PDE4B: variants seen among roughly 807,000 people sequenced by gnomAD.
PDE4B encodes the protein phosphodiesterase 4B.
Under a neutral mutation model 82.2 loss-of-function variants are expected in PDE4B, and 20 were observed. The observed-to-expected ratio is 0.24, with a 90% confidence interval of 0.17 to 0.35. PDE4B has a LOEUF of 0.35. PDE4B is among the 10% of genes least tolerant of loss of function. PDE4B has a pLI of 1.00. For synonymous variants in PDE4B, 320 were observed against 318.9 expected (o/e 1.00, Z -0.04); for missense variants, 655 against 907.2 (o/e 0.72, Z 3.57).
At chr1:65,985,692 A>T (rs904152950) in intron 3 of PDE4B, among the ~76,000 whole-genome samples, 1 of 152,138 alleles carries the variant, frequency 6.6e-6, no homozygotes, top group East Asian at 1.9e-4. Context: ...TATCTGACTC[A>T]TCCTTGCTAA....
intron 3 of PDE4B, 26 bp from the exon 4 acceptor site, chr1:66,247,434 C>A: frequency 6.6e-7 from 1 of 1,517,926 alleles, no homozygotes; most frequent in Admixed American, 2.1e-5. Flanking sequence ...TATCATGTGA[C>A]CAGAGTTTCC....
intron 1 of PDE4B, among the ~76,000 whole-genome samples, chr1:65,833,585 A>G (rs759183277): frequency 1.3e-5 from 2 of 152,234 alleles, no homozygotes; most frequent in Non-Finnish European, 2.9e-5. Flanking sequence ...ATGTAGTGAT[A>G]GAAGGTATTC....
At chr1:65,958,014 A>G (rs1048112668) in intron 3 of PDE4B, among the ~76,000 whole-genome samples, 1 of 151,784 alleles carries the variant, frequency 6.6e-6, no homozygotes, top group Non-Finnish European at 1.5e-5. Context: ...TTGTAATTGT[A>G]TTGGGTGTTT....
chr1:65,885,823 C>A (rs1273969689), intron 1 of PDE4B, among the ~76,000 whole-genome samples: 7 of 150,590 alleles, frequency 4.6e-5, no homozygotes, highest in African/African-American at 1.7e-4. Context: ...AACAAACCTG[C>A]ATGTTGTGCA....
chr1:65,918,907 T>TA, intron 3 of PDE4B, 72 bp downstream of exon 3: 1 of 935,310 alleles, frequency 1.1e-6, no homozygotes, highest in Non-Finnish European at 1.7e-6. Context: ...AATTTCATAG[T>TA]ATTAAAATGT....
At chr1:66,032,382 C>G (rs1653827070) in intron 3 of PDE4B, among the ~76,000 whole-genome samples, 1 of 152,088 alleles carries the variant, frequency 6.6e-6, no homozygotes, top group Non-Finnish European at 1.5e-5. Context: ...ATAGTTTATG[C>G]TTTTTTCCAA....
chr1:65,800,330 G>A (rs1212533230), intron 1 of PDE4B, among the ~76,000 whole-genome samples: 1 of 152,184 alleles, frequency 6.6e-6, no homozygotes, highest in South Asian at 2.1e-4. Context: ...ATGTGTACCA[G>A]AGTGAAAAAC....
At chr1:65,893,434 C>T (rs1444103485) in intron 1 of PDE4B, among the ~76,000 whole-genome samples, 1 of 151,966 alleles carries the variant, frequency 6.6e-6, no homozygotes, top group Non-Finnish European at 1.5e-5. Flanking sequence ...AGATACGTTA[C>T]TCCTGCAAGA....
At chr1:66,050,388 G>A (rs750538848) in intron 3 of PDE4B, 4 of 152,048 alleles carry the variant, frequency 2.6e-5, no homozygotes, top group Admixed American at 6.6e-5. Flanking sequence ...CAAAGCAGTG[G>A]CCTCTTGGCT....
At chr1:66,018,525 T>A (rs183597807) in intron 3 of PDE4B, among the ~76,000 whole-genome samples, 58 of 152,356 alleles carry the variant, frequency 3.8e-4, no homozygotes, top group Non-Finnish European at 2.1e-4. Flanking sequence ...TTTAATGTGC[T>A]TTGTGTAGAT....
At chr1:66,221,908 T>A (rs4147447) in intron 3 of PDE4B, among the ~76,000 whole-genome samples, 1 of 137,986 alleles carries the variant, frequency 7.2e-6, no homozygotes, top group African/African-American at 2.6e-5. Flanking sequence ...TTTTTTTTTA[T>A]CTCCATGTCT....
At position 66,025,381 on chromosome 1, in the gene PDE4B, T is replaced by G. The variant is rs544049786; in HGVS notation, c.281+106546T>G. Among the ~76,000 whole-genome samples the G allele has an allele frequency of 8.5e-5, 13 of 152,246 alleles. No homozygotes were observed. The South Asian group carries it at 2.7e-3, about 32-fold the overall frequency. ...AAAGGAGAAGTTTGAAACTGTCAAG[T>G]AAGCTAAATTCCTTATCTCTTTACA... On this transcript the variant is annotated intron_variant, in intron 3 of 16. Transcript: ENST00000341517.
intron 1 of PDE4B, among the ~76,000 whole-genome samples, chr1:65,902,193 T>C (rs1003351324): frequency 5.3e-5 from 8 of 152,074 alleles, no homozygotes; most frequent in African/African-American, 1.9e-4. Flanking sequence ...TGAGACTTAA[T>C]TTATGGATGA....
intron 3 of PDE4B, among the ~76,000 whole-genome samples, chr1:66,241,898 A>T (rs1652921561): frequency 2.0e-5 from 3 of 152,184 alleles, no homozygotes; most frequent in Admixed American, 6.5e-5. Context: ...TTTAATCCAA[A>T]TGAAACTGGC....
In PDE4B at chr1:66,087,874, G is replaced by T. The variant is rs1388261310; in HGVS notation, c.282-159586G>T. Reference sequence around the variant, plus strand: ...CACACTCTGGGGACTGTTGTGGGGTGGGGGGAGGGGGGAGGGATAGCATTG... The same window carrying T: ...CACACTCTGGGGACTGTTGTGGGGTTGGGGGAGGGGGGAGGGATAGCATTG... On this transcript the variant is annotated intron_variant, in intron 3 of 16. Transcript: ENST00000341517. 3.5e-5 allele frequency among the ~76,000 whole-genome samples: 4 copies of T among 115,186 alleles called. No homozygotes were observed. In the East Asian group the frequency reaches 9.1e-4, roughly 26 times the overall value. 75.6% of individuals were successfully genotyped at this position (115,186 alleles called of 152,430 possible). A position where few individuals can be genotyped will look rare whatever the true frequency, so the allele number is the denominator to read the frequency against.
At chr1:66,194,835 A>G (rs945379977) in intron 3 of PDE4B, among the ~76,000 whole-genome samples, 39 of 152,214 alleles carry the variant, frequency 2.6e-4, no homozygotes, top group African/African-American at 7.9e-4. Flanking sequence ...GCCTTCCCCA[A>G]TTCATAACAG....
At chr1:66,090,621 A>ATATATGTGTG in intron 3 of PDE4B, among the ~76,000 whole-genome samples, 1 of 122,732 alleles carries the variant, frequency 8.1e-6, no homozygotes, top group Admixed American at 8.1e-5. Context: ...TATATAATAT[A>ATATATGTGTG]TGTGTGTGTG....
rs1364727807 is a variant in PDE4B, at chr1:66,273,268, G to T, written c.634+7181G>T. Among the ~76,000 whole-genome samples, 3 of 152,126 alleles carry T rather than the reference G, an allele frequency of 2.0e-5. No individual in the cohort carries two copies. The South Asian group carries it at 6.2e-4, about 31-fold the overall frequency. Reference sequence around the variant, plus strand: ...AATATACATCCCTGAAATACACCAGGATCTTCTTGCTTTCCTGCTTTCATA... The same window carrying T: ...AATATACATCCCTGAAATACACCAGTATCTTCTTGCTTTCCTGCTTTCATA... On this transcript the variant is annotated intron_variant, in intron 7 of 16. Transcript: ENST00000341517.
chr1:66,285,766 T>C (rs962168425), intron 7 of PDE4B, among the ~76,000 whole-genome samples: 4 of 151,528 alleles, frequency 2.6e-5, no homozygotes, highest in African/African-American at 4.9e-5. Flanking sequence ...ATTAGAGGAG[T>C]GACAGGAACC....
Sources: gnomAD v4.1 joint callset for allele counts (sites outside exome capture counted in the v4.1 genomes callset) on GRCh38, gnomAD v4.1.1 for gene constraint, MANE v1.5 for transcripts, NCBI Gene and HGNC (gene_info 2026-07-23, HGNC 2026-07-21) for gene names.